Variants in ZNF143 observed in about 807,000 individuals in gnomAD.
ZNF143 encodes zinc finger protein 143.
ZNF143 carries 49 observed loss-of-function variants against 74.1 expected under a neutral mutation model. The ratio of observed to expected loss-of-function variants is 0.66; its 90% CI spans 0.53 to 0.84. ZNF143 has a LOEUF of 0.84. ZNF143 is among the 40% of genes least tolerant of loss of function. ZNF143 has a pLI of 0.00. For synonymous variants in ZNF143, 304 were observed against 282.8 expected, an observed-to-expected ratio of 1.07 and a Z score of -0.75; for missense variants, 637 against 793.4, an observed-to-expected ratio of 0.80 and a Z score of 2.37.
chr11:9,476,011 A>G (rs753600999), intron 5 of ZNF143, among the ~76,000 whole-genome samples: 1 of 152,064 alleles, frequency 6.6e-6, no homozygotes, highest in Non-Finnish European at 1.5e-5. Context: ...AACTAAGTAT[A>G]CAATGTCAAA....
intron 6 of ZNF143, 62 bp from the exon 7 acceptor site, chr11:9,479,410 T>C (rs1847151474): frequency 7.1e-7 from 1 of 1,402,082 alleles, no homozygotes; most frequent in East Asian, 2.4e-5. Flanking sequence ...AACCATGTAC[T>C]TAACCAGCCT....
chr11:9,497,297 C>T (rs550211071), intron 9 of ZNF143, among the ~76,000 whole-genome samples: 1 of 152,156 alleles, frequency 6.6e-6, no homozygotes. Flanking sequence ...GTGACGTGAT[C>T]TCGGCTCCCT....
intron 7 of ZNF143, among the ~76,000 whole-genome samples, chr11:9,480,279 T>G (rs956751221): frequency 6.6e-6 from 1 of 152,212 alleles, no homozygotes; most frequent in Admixed American, 6.6e-5. Flanking sequence ...TGTTGGGATG[T>G]TCGTGTGGAG....
intron 5 of ZNF143, among the ~76,000 whole-genome samples, chr11:9,476,743 A>ATTTTTT (rs1856916526): frequency 1.4e-5 from 1 of 71,368 alleles, no homozygotes; most frequent in Non-Finnish European, 3.2e-5. Context: ...CAAAGGGAGG[A>ATTTTTT]ATCTTTTTTT....
Position 9,511,775 on chromosome 11 carries a change from G to A in ZNF143, c.1376-673G>A, listed in dbSNP as rs574194159. 3.7e-3 allele frequency among the ~76,000 whole-genome samples: 475 copies of A among 130,102 alleles called. 2 individuals are homozygous for A. Among genetic ancestry groups the A allele is most frequent in the African/African-American group, 0.013 (441 of 34,430 alleles). The allele number at this position is 130,102 out of a possible 152,430, so 85.4% of individuals were successfully genotyped here. A position where few individuals can be genotyped will look rare whatever the true frequency, so the allele number is the denominator to read the frequency against. ...CTTTTTTTTTTTTTTTTTTTGAGAC[G>A]GAGTCTTGCTCTGTCGCCCAGGCTG... On this transcript the variant is annotated intron_variant, in intron 12 of 15. Transcript: ENST00000396602.
intron 1 of ZNF143, among the ~76,000 whole-genome samples, chr11:9,463,564 A>G (rs1169690874): frequency 1.3e-5 from 2 of 152,204 alleles, no homozygotes; most frequent in Non-Finnish European, 2.9e-5. Context: ...CCTAACGATC[A>G]TTTATAATCA....
chr11:9,509,760 A>C (rs1189263131), intron 12 of ZNF143, among the ~76,000 whole-genome samples: 2 of 152,204 alleles, frequency 1.3e-5, no homozygotes, highest in Non-Finnish European at 2.9e-5. Flanking sequence ...GTGGTAGGTT[A>C]ATAGCAATTC....
chr11:9,461,131 G>A (rs1855790482), intron 1 of ZNF143, 55 bp downstream of exon 1: 1 of 973,260 alleles, frequency 1.0e-6, no homozygotes, highest in Non-Finnish European at 1.2e-6. Context: ...CCTGGCCGCC[G>A]CCCTCAGCGC....
rs779680131 is a variant in ZNF143, at chr11:9,497,669, T to C, written c.842-6T>C. 1 of 1,583,560 alleles carries C rather than the reference T, an allele frequency of 6.3e-7. No homozygotes were observed. The highest frequency in any genetic ancestry group is 8.6e-7 in the Non-Finnish European group (1 of 1,163,200). ...TAATTAAATTTCTTTTAATTTTTTC[T>C]TAAAGGTTATGGATTAAAAAGTCAC... On this transcript the variant is annotated splice_region_variant and splice_polypyrimidine_tract_variant and intron_variant, in intron 9 of 15. Coordinates refer to ENST00000396602, the MANE Select transcript of ZNF143 (RefSeq NM_003442.6).
rs1848582838 is a variant in ZNF143 at position 9,512,442 on chromosome 11, A to C, written c.1376-6A>C. On this transcript the variant is annotated splice_region_variant and splice_polypyrimidine_tract_variant and intron_variant, in intron 12 of 15. Coordinates refer to ENST00000396602, the MANE Select transcript of ZNF143 (RefSeq NM_003442.6). ...GTCAAATAAATGATTCATTTGTTTT[A>C]AACAGGTCAAGGTGAAGATGTTCTT... The C allele has an allele frequency of 6.2e-7, 1 of 1,610,204 alleles. No individual in the cohort carries two copies. Among genetic ancestry groups the C allele is most frequent in the Admixed American group, 1.7e-5 (1 of 59,460 alleles).
chr11:9,519,355 A>G (rs1332995391), intron 14 of ZNF143, among the ~76,000 whole-genome samples: 1 of 152,070 alleles, frequency 6.6e-6, no homozygotes, highest in East Asian at 1.9e-4. Flanking sequence ...CATGTTGGCC[A>G]TGCTGGTCTC....
In ZNF143 at chr11:9,513,470, C is replaced by A. The variant is rs57572050; in HGVS notation, c.1524+874C>A. Among the ~76,000 whole-genome samples, 742 of 152,300 alleles carry A rather than the reference C, an allele frequency of 4.9e-3. 5 individuals are homozygous for A. Among genetic ancestry groups the A allele is most frequent in the African/African-American group, 0.017 (712 of 41,566 alleles). On this transcript the variant is annotated intron_variant, in intron 13 of 15. Transcript: ENST00000396602. ...CTTAACACTTTTTCTTGAATTAGATCATCACATACAGAGGTCCTCTGGAGG... is the reference window on the plus strand; with the variant it reads ...CTTAACACTTTTTCTTGAATTAGATAATCACATACAGAGGTCCTCTGGAGG...
chr11:9,474,510 C>G (rs780795255), intron 4 of ZNF143, 40 bp from the exon 5 acceptor site: 2 of 1,601,182 alleles, frequency 1.2e-6, no homozygotes, highest in Non-Finnish European at 1.7e-6. Context: ...TTGGAATGTG[C>G]TAGAAAACAT....
chr11:9,482,643 A>G (rs1316186530), intron 7 of ZNF143, among the ~76,000 whole-genome samples: 6 of 129,654 alleles, frequency 4.6e-5, no homozygotes, highest in Non-Finnish European at 7.8e-5. Flanking sequence ...ATAGAAGACT[A>G]CTGAATGGGA....
chr11:9,517,702 G>A (rs962383248), intron 14 of ZNF143, among the ~76,000 whole-genome samples: 4 of 152,094 alleles, frequency 2.6e-5, no homozygotes, highest in African/African-American at 9.7e-5. Context: ...CTGTGCTAAA[G>A]GCCAATGTTG....
chr11:9,500,659 C>G (rs996016099), intron 10 of ZNF143, among the ~76,000 whole-genome samples: 1 of 151,994 alleles, frequency 6.6e-6, no homozygotes, highest in African/African-American at 2.4e-5. Context: ...GGTCAAAACA[C>G]CATATTTTTA....
At chr11:9,511,750 CTTT>C (rs1254769544) in intron 12 of ZNF143, among the ~76,000 whole-genome samples, 5 of 120,166 alleles carry the variant, frequency 4.2e-5, no homozygotes, top group Admixed American at 8.6e-5. Context: ...CCTTTAACAG[CTTT>C]TTTTTTTTTT....
chr11:9,510,885 TG>T, intron 12 of ZNF143, among the ~76,000 whole-genome samples: 1 of 152,124 alleles, frequency 6.6e-6, no homozygotes, highest in East Asian at 1.9e-4. Context: ...AAAGAAGTGA[TG>T]GAGGTTCCTT....
intron 1 of ZNF143, among the ~76,000 whole-genome samples, chr11:9,467,094 G>A (rs577108227): frequency 9.3e-4 from 141 of 151,862 alleles, no homozygotes; most frequent in African/African-American, 3.2e-3. Flanking sequence ...GGGTTTCACC[G>A]TGTTAGCCAG....
Sources: gnomAD v4.1 joint callset for allele counts (sites outside exome capture counted in the v4.1 genomes callset) on GRCh38, gnomAD v4.1.1 for gene constraint, MANE v1.5 for transcripts, NCBI Gene and HGNC (gene_info 2026-07-23, HGNC 2026-07-21) for gene names.